The following FRMD4A variants were observed in gnomAD, a reference collection of about 807,000 sequenced individuals.
FRMD4A encodes FERM domain-containing protein 4A.
Under a neutral mutation model 129.1 loss-of-function variants are expected in FRMD4A, and 29 were observed. That is an observed-to-expected ratio of 0.22 (90% CI 0.17 to 0.31). The LOEUF (loss-of-function observed/expected upper bound fraction) is 0.31, where lower values mean the gene tolerates loss of function less well. FRMD4A is among the 10% of genes least tolerant of loss of function. The pLI is 1.00. For synonymous variants in FRMD4A, 634 were observed against 571.6 expected (o/e 1.11, Z -1.56); for missense variants, 1,272 against 1,375.8 (o/e 0.92, Z 1.19).
intron 2 of FRMD4A, among the ~76,000 whole-genome samples, chr10:14,167,029 C>G (rs1465897301): frequency 6.6e-6 from 1 of 152,116 alleles, no homozygotes; most frequent in Non-Finnish European, 1.5e-5. Context: ...TCTGACACAT[C>G]AACAGGGTGA....
At chr10:13,775,862 A>T (rs139563404) in intron 6 of FRMD4A, among the ~76,000 whole-genome samples, 2 of 151,534 alleles carry the variant, frequency 1.3e-5, no homozygotes, top group East Asian at 3.9e-4. Context: ...AATCTGTAGG[A>T]ACTTTTGGGA....
At chr10:13,832,063 T>C (rs928813964) in intron 3 of FRMD4A, among the ~76,000 whole-genome samples, 4 of 152,100 alleles carry the variant, frequency 2.6e-5, no homozygotes, top group Middle Eastern at 3.2e-3. Context: ...TGGACTTCCA[T>C]TCTAATGTGC....
chr10:14,023,976 C>CT (rs1357727047), intron 2 of FRMD4A, among the ~76,000 whole-genome samples: 2 of 152,040 alleles, frequency 1.3e-5, no homozygotes, highest in African/African-American at 2.4e-5. Context: ...ACCCTCCCCA[C>CT]TTTTTTTTCT....
intron 2 of FRMD4A, among the ~76,000 whole-genome samples, chr10:14,138,489 G>C (rs534193367): frequency 6.6e-6 from 1 of 151,584 alleles, no homozygotes; most frequent in African/African-American, 2.4e-5. Flanking sequence ...GGCCGGACGC[G>C]GTGGCTCACA....
Position 13,878,790 on chromosome 10 carries a change from A to AGAG in FRMD4A, c.46-19879_46-19878insCTC, listed in dbSNP as rs1564959994. Among the ~76,000 whole-genome samples the AGAG allele has an allele frequency of 1.5e-3, 190 of 129,462 alleles. 1 individual carries two copies. In the East Asian group the frequency reaches 0.016, roughly 11 times the overall value. 84.9% of individuals were successfully genotyped at this position (129,462 alleles called of 152,430 possible). ...GAAAAGAAAGAGAGAGAGAGAGAGA[A>AGAG]AGAGAGAAGGAGAGAAAGAGAGAGG... On this transcript the variant is annotated intron_variant, in intron 2 of 24. Transcript: ENST00000357447.
At chr10:14,186,786 C>G (rs1037020772) in intron 2 of FRMD4A, among the ~76,000 whole-genome samples, 10 of 152,142 alleles carry the variant, frequency 6.6e-5, no homozygotes, top group African/African-American at 2.2e-4. Flanking sequence ...ATAGCTTTGA[C>G]TGTTCAGGGT....
At chr10:14,182,147 A>G (rs755864312) in intron 2 of FRMD4A, among the ~76,000 whole-genome samples, 10 of 152,208 alleles carry the variant, frequency 6.6e-5, no homozygotes, top group Non-Finnish European at 1.3e-4. Flanking sequence ...TATCAAACCT[A>G]GACTGGGGAG....
At chr10:14,157,409 T>A (rs1371242706) in intron 2 of FRMD4A, among the ~76,000 whole-genome samples, 1 of 152,182 alleles carries the variant, frequency 6.6e-6, no homozygotes, top group Non-Finnish European at 1.5e-5. Flanking sequence ...AGGTATTTGG[T>A]AGAGTGGAAG....
chr10:13,985,650 C>T (rs1360278751), intron 2 of FRMD4A, among the ~76,000 whole-genome samples: 1 of 152,202 alleles, frequency 6.6e-6, no homozygotes, highest in Non-Finnish European at 1.5e-5. Context: ...CTGGCAGGCA[C>T]CAGTCTCCAC....
chr10:14,190,011 C>G (rs768694129), intron 2 of FRMD4A, among the ~76,000 whole-genome samples: 1 of 152,162 alleles, frequency 6.6e-6, no homozygotes, highest in Non-Finnish European at 1.5e-5. Flanking sequence ...ATACATAAGC[C>G]TAAGGCAGTA....
chr10:13,770,372 C>T (rs748171010), intron 6 of FRMD4A, among the ~76,000 whole-genome samples: 6 of 152,288 alleles, frequency 3.9e-5, no homozygotes, highest in East Asian at 3.9e-4. Flanking sequence ...TCCACCCCAC[C>T]GCAGACAGCC....
intron 12 of FRMD4A, among the ~76,000 whole-genome samples, chr10:13,710,871 G>T (rs2087949808): frequency 1.3e-5 from 2 of 152,120 alleles, no homozygotes; most frequent in South Asian, 4.1e-4. Flanking sequence ...AAATTTAGCT[G>T]GGTGTAGTGG....
chr10:13,768,365 G>T (rs2092354005), intron 6 of FRMD4A, among the ~76,000 whole-genome samples: 1 of 152,184 alleles, frequency 6.6e-6, no homozygotes, highest in Admixed American at 6.5e-5. Context: ...TGCTCAGAGG[G>T]ACTTGGTGGT....
At chr10:14,296,281 C>A (rs1053341756) in intron 2 of FRMD4A, among the ~76,000 whole-genome samples, 8 of 152,218 alleles carry the variant, frequency 5.3e-5, no homozygotes, top group Non-Finnish European at 1.2e-4. Flanking sequence ...AAGCCCCAGG[C>A]CAGGGCTCCA....
At chr10:14,048,198 C>A (rs1022247763) in intron 2 of FRMD4A, among the ~76,000 whole-genome samples, 1 of 152,128 alleles carries the variant, frequency 6.6e-6, no homozygotes, top group Non-Finnish European at 1.5e-5. Flanking sequence ...CCCTGAAGAT[C>A]CCAGCCAGTG....
At chr10:13,774,785 G>T (rs1881585) in intron 6 of FRMD4A, among the ~76,000 whole-genome samples, 5,606 of 152,080 alleles carry the variant, frequency 0.037, 349 homozygotes, top group African/African-American at 0.13. Context: ...GTACAGGAAA[G>T]AGAGACCAAC....
At chr10:13,991,320 G>A (rs555082710) in intron 2 of FRMD4A, among the ~76,000 whole-genome samples, 1 of 152,352 alleles carries the variant, frequency 6.6e-6, no homozygotes, top group South Asian at 2.1e-4. Context: ...ATCCTTGTGA[G>A]TTTGGACTCT....
intron 2 of FRMD4A, among the ~76,000 whole-genome samples, chr10:14,202,219 C>T (rs930762223): frequency 1.3e-5 from 2 of 151,966 alleles, no homozygotes; most frequent in Admixed American, 1.3e-4. Flanking sequence ...CAGTGGCAGG[C>T]AGGAGTGCAG....
intron 3 of FRMD4A, among the ~76,000 whole-genome samples, chr10:13,846,223 C>T (rs989468719): frequency 2.0e-5 from 3 of 152,206 alleles, no homozygotes; most frequent in East Asian, 3.8e-4. Flanking sequence ...AATTCAGGTT[C>T]AATCTATTAG....
Sources: allele counts gnomAD v4.1 joint callset (sites outside exome capture counted in the v4.1 genomes callset), GRCh38; gene constraint gnomAD v4.1.1; transcripts MANE v1.5; gene names NCBI Gene and HGNC (gene_info 2026-07-23, HGNC 2026-07-21).